LPIN2: variants seen among roughly 807,000 people sequenced by gnomAD.
The protein encoded by LPIN2 is phosphatidate phosphatase LPIN2.
LPIN2 carries 55 observed loss-of-function variants against 111.4 expected under a neutral mutation model. The observed-to-expected ratio is 0.49, with a 90% CI of 0.40 to 0.62. LPIN2 has a LOEUF of 0.62. LPIN2 is among the 20% of genes least tolerant of loss of function. The pLI is 0.00. For synonymous variants in LPIN2, 425 were observed against 414.0 expected (o/e 1.03, Z -0.32); for missense variants, 992 against 1,112.1 (o/e 0.89, Z 1.54).
chr18:2,949,344 A>G (rs773498292), intron 4 of LPIN2, among the ~76,000 whole-genome samples: 3 of 152,228 alleles, frequency 2.0e-5, no homozygotes, highest in Non-Finnish European at 4.4e-5. Flanking sequence ...CTTCTCAGCT[A>G]GTATTTTGAC....
chr18:2,971,780 G>T (rs1172092092), intron 1 of LPIN2, among the ~76,000 whole-genome samples: 2 of 151,640 alleles, frequency 1.3e-5, no homozygotes, highest in Non-Finnish European at 2.9e-5. Context: ...GGGTGCGGTG[G>T]CTCACGACTG....
chr18:3,002,016 T>C (rs1415769587), intron 1 of LPIN2, among the ~76,000 whole-genome samples: 1 of 152,160 alleles, frequency 6.6e-6, no homozygotes, highest in Non-Finnish European at 1.5e-5. Context: ...CCTGTAGGTA[T>C]GTCTCATTAG....
chr18:2,931,548 AAAAG>A, intron 8 of LPIN2, 105 bp from the exon 9 acceptor site: 1 of 1,065,610 alleles, frequency 9.4e-7, no homozygotes. Flanking sequence ...ACATCCGCTA[AAAAG>A]AACGGATGGA....
At chr18:2,970,894 T>C (rs1374621561) in intron 1 of LPIN2, among the ~76,000 whole-genome samples, 1 of 152,152 alleles carries the variant, frequency 6.6e-6, no homozygotes, top group East Asian at 1.9e-4. Context: ...GCTCACTGAG[T>C]TCACTTCACT....
chr18:2,956,745 C>A (rs1188935299), intron 2 of LPIN2, among the ~76,000 whole-genome samples: 1 of 152,200 alleles, frequency 6.6e-6, no homozygotes, highest in Non-Finnish European at 1.5e-5. Flanking sequence ...CATACACTAT[C>A]TCAGAAAAAT....
At chr18:2,979,864 C>T (rs2078079660) in intron 1 of LPIN2, among the ~76,000 whole-genome samples, 1 of 152,128 alleles carries the variant, frequency 6.6e-6, no homozygotes, top group African/African-American at 2.4e-5. Context: ...ATCCTCTTAG[C>T]AGGCCTCAGA....
rs76968440 is a variant in LPIN2 at position 2,922,921 on chromosome 18, G to A, written c.2175-722C>T. ...AGACAAGAAGCAAAATTATACCCAG[G>A]TAACTGACATATTCGTAATTTTCAT... On this transcript the variant is annotated intron_variant, in intron 16 of 19. Transcript: ENST00000677752. Among the ~76,000 whole-genome samples, 249 of 152,226 alleles carry A rather than the reference G, an allele frequency of 1.6e-3. 4 individuals are homozygous for A. The East Asian group carries it at 0.043, about 26-fold the overall frequency.
chr18:2,920,191 C>T lies in LPIN2; in HGVS notation c.*102G>A. The T allele has an allele frequency of 6.6e-7, 1 of 1,517,710 alleles. No homozygotes were observed. The highest frequency in any genetic ancestry group is 9.1e-7 in the Non-Finnish European group (1 of 1,098,208). The allele number at this position is 1,517,710 out of a possible 1,614,324, so 94.0% of individuals were successfully genotyped here. ...GGGACCAGCTCCAGAAGCACCCGTC[C>T]CCGCTGGGGAAGGCTGGTATCTGAG... On this transcript the variant is annotated 3_prime_UTR_variant, in exon 20 of 20. Transcript: ENST00000677752.
At chr18:2,921,363 C>T in intron 18 of LPIN2, 170 bp downstream of exon 18, 1 of 671,906 alleles carries the variant, frequency 1.5e-6, no homozygotes, top group South Asian at 1.6e-5. Flanking sequence ...GCAGGACCTC[C>T]CCAGTTGCTA....
chr18:3,006,869 G>A (rs1209755690), intron 1 of LPIN2, among the ~76,000 whole-genome samples: 11 of 151,832 alleles, frequency 7.2e-5, no homozygotes, highest in East Asian at 5.9e-4. Flanking sequence ...GCATGGTGGC[G>A]CAGGCCTGTA....
At chr18:3,012,075 T>A (rs1045617606) in intron 1 of LPIN2, 17 of 152,196 alleles carry the variant, frequency 1.1e-4, no homozygotes, top group African/African-American at 3.9e-4. Flanking sequence ...AACATTATAA[T>A]CTAGCCAGGC....
chr18:3,008,934 T>G (rs928644802), intron 1 of LPIN2, among the ~76,000 whole-genome samples: 13 of 144,692 alleles, frequency 9.0e-5, no homozygotes, highest in Admixed American at 5.0e-4. Flanking sequence ...TCCAGGCTGG[T>G]CTCAAACTCC....
At chr18:2,935,472 G>A (rs1292485445) in intron 7 of LPIN2, among the ~76,000 whole-genome samples, 1 of 152,190 alleles carries the variant, frequency 6.6e-6, no homozygotes, top group Admixed American at 6.5e-5. Flanking sequence ...ACTATCACGG[G>A]TGTAGAGAGG....
intron 1 of LPIN2, among the ~76,000 whole-genome samples, chr18:2,996,467 CTTTTTTTTTTTTTTTT>C (rs1179106649): frequency 2.4e-5 from 2 of 84,996 alleles, no homozygotes; most frequent in Non-Finnish European, 4.6e-5. Context: ...AGGAAAATAT[CTTTTTTTTTTTTTTTT>C]TTTTTTTTTT....
chr18:2,928,087 TG>T (rs2077161822), intron 11 of LPIN2, among the ~76,000 whole-genome samples: 1 of 152,196 alleles, frequency 6.6e-6, no homozygotes, highest in Admixed American at 6.5e-5. Flanking sequence ...TATCTATCTT[TG>T]GAAAATGTGG....
chr18:2,932,172 T>A (rs907774531), intron 8 of LPIN2, among the ~76,000 whole-genome samples: 2 of 152,228 alleles, frequency 1.3e-5, no homozygotes, highest in Non-Finnish European at 1.5e-5. Context: ...AGAATAATCA[T>A]GAATGGCACA....
chr18:2,982,791 C>CT, intron 1 of LPIN2: 1 of 1,141,964 alleles, frequency 8.8e-7, no homozygotes, highest in Non-Finnish European at 1.2e-6. Context: ...ACTAGCATGT[C>CT]TTTTTTCAGA....
At position 2,960,702 on chromosome 18, in the gene LPIN2, G is replaced by C. The variant is rs1243307148; in HGVS notation, c.139C>G (p.Pro47Ala). 6.2e-7 allele frequency: 1 copy of C among 1,613,988 alleles called. No individual in the cohort carries two copies. Among genetic ancestry groups the C allele is most frequent in the Non-Finnish European group, 8.5e-7 (1 of 1,179,982 alleles). The stretch of plus-strand genomic sequence containing the variant: ...AGCTTTCCAAACCGAACGTGAAAAG[G>C]TGAACACTGATAGCTGCCATCCTGC... ...QQQDGSYQCS[P>A]FHVRFGKLGV... Residue 47 changes from proline to alanine, a missense_variant, in exon 2 of 20, where the codon CCT (proline) becomes GCT (alanine). Around this residue, in one of 4 missense-constraint regions of LPIN2, gnomAD observed 67 missense variants for 112.1 expected, o/e 0.60. Coordinates refer to ENST00000677752, the MANE Select transcript of LPIN2 (RefSeq NM_001375808.2).
intron 1 of LPIN2, among the ~76,000 whole-genome samples, chr18:3,012,718 T>G (rs1044161686): frequency 1.3e-5 from 2 of 151,684 alleles, no homozygotes; most frequent in African/African-American, 2.4e-5. Context: ...AACCCAGGGG[T>G]AGGGGTGGTC....
Sources: allele counts gnomAD v4.1 joint callset (sites outside exome capture counted in the v4.1 genomes callset), GRCh38; gene constraint gnomAD v4.1.1; regional missense constraint gnomAD v4.1.1; transcripts MANE v1.5; gene names NCBI Gene and HGNC (gene_info 2026-07-23, HGNC 2026-07-21).